The following JAM3 variants were observed in gnomAD, a reference collection of about 807,000 sequenced individuals.
JAM3 encodes junctional adhesion molecule 3.
In JAM3, 31 loss-of-function variants were observed where a neutral mutation model predicts 39.4. The observed-to-expected ratio is 0.79, with a 90% CI of 0.59 to 1.06. JAM3 has a LOEUF of 1.06. Ranked by LOEUF, JAM3 falls within the 50% of genes least tolerant of loss-of-function variation. The pLI is 0.00. For missense variants in JAM3, 455 were observed against 391.4 expected (o/e 1.16, Z -1.37); for synonymous variants, 182 against 148.7 (o/e 1.22, Z -1.63).
chr11:134,140,892 T>C, intron 3 of JAM3, 122 bp downstream of exon 3: 1 of 1,326,680 alleles, frequency 7.5e-7, no homozygotes, highest in Non-Finnish European at 1.0e-6. Flanking sequence ...ACCGTTTTTT[T>C]TTTTTTAAAG....
chr11:134,127,134 T>G (rs977138042), intron 1 of JAM3, among the ~76,000 whole-genome samples: 2 of 152,080 alleles, frequency 1.3e-5, no homozygotes, highest in Non-Finnish European at 2.9e-5. Context: ...GGCATCAGAA[T>G]GTAATAGAAA....
At chr11:134,143,542 A>G (rs1445929580) in intron 3 of JAM3, among the ~76,000 whole-genome samples, 8 of 152,164 alleles carry the variant, frequency 5.3e-5, no homozygotes, top group African/African-American at 1.9e-4. Flanking sequence ...CCTTATGTCC[A>G]GTTTTTAAAT....
chr11:134,084,895 T>G (rs1306906014), intron 1 of JAM3, among the ~76,000 whole-genome samples: 1 of 152,236 alleles, frequency 6.6e-6, no homozygotes, highest in East Asian at 1.9e-4. Flanking sequence ...ACTACTAAAT[T>G]GCCACTGGCA....
chr11:134,072,743 C>T (rs1013995415), intron 1 of JAM3, among the ~76,000 whole-genome samples: 4 of 152,188 alleles, frequency 2.6e-5, no homozygotes, highest in Non-Finnish European at 5.9e-5. Context: ...AGCCCTGTCT[C>T]TACTAAAAAT....
At chr11:134,107,378 T>C (rs1157940615) in intron 1 of JAM3, among the ~76,000 whole-genome samples, 5 of 152,068 alleles carry the variant, frequency 3.3e-5, no homozygotes, top group African/African-American at 9.7e-5. Context: ...ATATACCTAA[T>C]GTAAATGACG....
chr11:134,089,888 A>T (rs942019098), intron 1 of JAM3, among the ~76,000 whole-genome samples: 56 of 152,296 alleles, frequency 3.7e-4, no homozygotes, highest in African/African-American at 1.1e-3. Flanking sequence ...CGCCACACTG[A>T]CTTCCACAAT....
chr11:134,082,143 C>G (rs1941676406), intron 1 of JAM3, among the ~76,000 whole-genome samples: 1 of 152,164 alleles, frequency 6.6e-6, no homozygotes, highest in Non-Finnish European at 1.5e-5. Flanking sequence ...GCCCCTTTGT[C>G]TTGGCCAATT....
At chr11:134,074,341 TG>T (rs1941530700) in intron 1 of JAM3, among the ~76,000 whole-genome samples, 1 of 152,250 alleles carries the variant, frequency 6.6e-6, no homozygotes, top group South Asian at 2.1e-4. Context: ...AGTTGCATCT[TG>T]GTTTGGCTTC....
At chr11:134,099,574 C>G (rs1158893716) in intron 1 of JAM3, among the ~76,000 whole-genome samples, 2 of 152,154 alleles carry the variant, frequency 1.3e-5, no homozygotes, top group African/African-American at 4.8e-5. Context: ...TTCAAGATTT[C>G]TGCCCTTTGC....
chr11:134,131,749 G>C (rs1565500278), intron 1 of JAM3, among the ~76,000 whole-genome samples: 1 of 152,138 alleles, frequency 6.6e-6, no homozygotes, highest in Non-Finnish European at 1.5e-5. Flanking sequence ...TAAAGACATA[G>C]AAATTACAGA....
At chr11:134,089,043 T>G (rs545827365) in intron 1 of JAM3, among the ~76,000 whole-genome samples, 1 of 152,322 alleles carries the variant, frequency 6.6e-6, no homozygotes, top group East Asian at 1.9e-4. Context: ...TTGGATATGA[T>G]CTGTGGGACA....
intron 1 of JAM3, among the ~76,000 whole-genome samples, chr11:134,130,838 C>T (rs539485339): frequency 3.2e-4 from 48 of 152,136 alleles, no homozygotes; most frequent in Non-Finnish European, 5.3e-4. Flanking sequence ...ACCTGAAGGC[C>T]TAATGCAAGG....
intron 1 of JAM3, among the ~76,000 whole-genome samples, chr11:134,109,557 CTCAA>C (rs1942271908): frequency 6.6e-6 from 1 of 152,220 alleles, no homozygotes; most frequent in African/African-American, 2.4e-5. Context: ...TGAGACAGGT[CTCAA>C]TCAATTGAGA....
At chr11:134,126,697 C>CA (rs1007403976) in intron 1 of JAM3, among the ~76,000 whole-genome samples, 2 of 152,198 alleles carry the variant, frequency 1.3e-5, no homozygotes, top group African/African-American at 4.8e-5. Context: ...ATAGCAAAGT[C>CA]AGTTTCCTGG....
At chr11:134,143,128 A>C (rs1477054099) in intron 3 of JAM3, among the ~76,000 whole-genome samples, 1 of 152,174 alleles carries the variant, frequency 6.6e-6, no homozygotes, top group Non-Finnish European at 1.5e-5. Flanking sequence ...ACAACTGCTG[A>C]GTCTTACAGT....
At chr11:134,119,781 C>T (rs1467409012) in intron 1 of JAM3, among the ~76,000 whole-genome samples, 4 of 152,180 alleles carry the variant, frequency 2.6e-5, no homozygotes, top group Non-Finnish European at 4.4e-5. Context: ...AAAAACCCTC[C>T]AAGTTGACAC....
intron 1 of JAM3, among the ~76,000 whole-genome samples, chr11:134,139,402 G>A (rs777732268): frequency 2.6e-5 from 4 of 152,190 alleles, no homozygotes; most frequent in South Asian, 2.1e-4. Context: ...TGTTGATGCC[G>A]TCCCGAAGGG....
intron 1 of JAM3, among the ~76,000 whole-genome samples, chr11:134,101,268 A>G (rs545718078): frequency 6.6e-6 from 1 of 152,360 alleles, no homozygotes; most frequent in Non-Finnish European, 1.5e-5. Context: ...TTGAAGTTTG[A>G]ATTTAAATGT....
At chr11:134,135,027 CT>C (rs1942838156) in intron 1 of JAM3, among the ~76,000 whole-genome samples, 3 of 151,808 alleles carry the variant, frequency 2.0e-5, no homozygotes, top group Admixed American at 2.0e-4. Context: ...CTATTTTGTT[CT>C]TTTGTTGTCT....
Sources: allele counts gnomAD v4.1 joint callset (sites outside exome capture counted in the v4.1 genomes callset), GRCh38; gene constraint gnomAD v4.1.1; transcripts MANE v1.5; gene names NCBI Gene and HGNC (gene_info 2026-07-23, HGNC 2026-07-21).